Variants in MGAM observed in about 807,000 individuals in gnomAD.
MGAM encodes the protein maltase-glucoamylase, also known as alpha-1,4-glucosidase.
A neutral mutation model predicts 358.8 loss-of-function variants in MGAM; 253 were observed. The ratio of observed to expected loss-of-function variants is 0.71; its 90% CI spans 0.64 to 0.78. The LOEUF is 0.78. Ranked by LOEUF, MGAM falls within the 30% of genes least tolerant of loss-of-function variation. The probability of loss-of-function intolerance (pLI) is 0.00; values close to 1 mark genes in which losing one functional copy is unlikely to be tolerated. For synonymous variants in MGAM, 1,105 were observed against 1,227.1 expected (o/e 0.90, Z 2.08); for missense variants, 3,080 against 3,432.6 (o/e 0.90, Z 2.57).
chr7:142,071,831 C>T (rs772919897), intron 44 of MGAM, among the ~76,000 whole-genome samples: 2 of 146,228 alleles, frequency 1.4e-5, no homozygotes, highest in African/African-American at 4.9e-5. Flanking sequence ...TTGCTTTATA[C>T]GTAATTGATT....
At chr7:142,014,709 A>C (rs1743191487) in intron 3 of MGAM, among the ~76,000 whole-genome samples, 2 of 152,118 alleles carry the variant, frequency 1.3e-5, no homozygotes, top group African/African-American at 4.8e-5. Context: ...AATAATAGAT[A>C]TATACAGCCT....
At chr7:142,058,659 A>G (rs887834812) in intron 31 of MGAM, among the ~76,000 whole-genome samples, 2 of 152,232 alleles carry the variant, frequency 1.3e-5, no homozygotes, top group Non-Finnish European at 2.9e-5. Flanking sequence ...AGAATAAAGT[A>G]TATCCCACAG....
At chr7:142,091,050 C>T (rs1419815889) in intron 57 of MGAM, among the ~76,000 whole-genome samples, 1 of 144,848 alleles carries the variant, frequency 6.9e-6, no homozygotes, top group Admixed American at 7.0e-5. Context: ...AATTTGAGAC[C>T]AGCCTGAACA....
Position 142,030,598 on chromosome 7 carries a change from C to T in MGAM, c.1354-43C>T, listed in dbSNP as rs782115626. 2.3e-5 allele frequency: 37 copies of T among 1,601,330 alleles called. No homozygotes were observed. In the Middle Eastern group the frequency reaches 4.9e-4, roughly 21 times the overall value. Reference sequence around the variant, plus strand: ...GTTCCCAGTCTCCTTTCAGTGCCTCCGGTTTCCAGCTAGTTTGTTCATTGT... The same window carrying T: ...GTTCCCAGTCTCCTTTCAGTGCCTCTGGTTTCCAGCTAGTTTGTTCATTGT... On this transcript the variant is annotated intron_variant, in intron 11 of 70. Transcript: ENST00000475668.
Position 142,076,750 on chromosome 7 carries a change from C to T in MGAM, c.5417C>T (p.Pro1806Leu). The T allele has an allele frequency of 3.2e-6, 5 of 1,554,274 alleles. 1 individual carries two copies. Among genetic ancestry groups the T allele is most frequent in the Non-Finnish European group, 4.4e-6 (5 of 1,130,720 alleles). The change falls in exon 47 of 71, where the codon CCT becomes CTT. Residue 1806 changes from proline (P) to leucine (L), a missense_variant. Pro to Leu is a moderately conservative substitution (Grantham distance 98). Transcript: ENST00000475668. ...ATTAAAATTCTTGGGATGGAGGAAC[C>T]TAGCAATGTTACGGTGAAACACAAT... ...NEIKILGMEEPSNVTVKHNGV... is the reference protein window; with the variant it reads ...NEIKILGMEELSNVTVKHNGV...
chr7:142,033,503 G>GA (rs1323557380), intron 14 of MGAM, among the ~76,000 whole-genome samples: 1 of 152,102 alleles, frequency 6.6e-6, no homozygotes, highest in Non-Finnish European at 1.5e-5. Context: ...ATTGAGAAAG[G>GA]AAAAAACTGC....
chr7:142,031,706 T>G lies in MGAM; in HGVS notation c.1497T>G (p.Pro499=). ...GEVWPGQTVF[P]DYTNPNCAVW... The stretch of plus-strand genomic sequence containing the variant: ...TCTGGCCTGGACAAACTGTGTTTCC[T>G]GATTATACCAATCCCAACTGTGCTG... The change falls in exon 13 of 71, where the codon CCT becomes CCG. Residue 499 remains proline (P), a synonymous_variant. Coordinates refer to ENST00000475668, the MANE Select transcript of MGAM (RefSeq NM_001365693.1). 1 of 1,613,136 alleles carries G rather than the reference T, an allele frequency of 6.2e-7. No individual in the cohort carries two copies. Among genetic ancestry groups the G allele is most frequent in the Non-Finnish European group, 8.5e-7 (1 of 1,179,220 alleles).
intron 50 of MGAM, among the ~76,000 whole-genome samples, chr7:142,081,725 A>T (rs964873599): frequency 6.9e-5 from 10 of 145,438 alleles, no homozygotes; most frequent in African/African-American, 2.2e-4. Flanking sequence ...TACGTAGAAA[A>T]TGCGCTGAGG....
chr7:142,084,449 T>C, intron 53 of MGAM, 70 bp from the exon 54 acceptor site: 1 of 1,465,868 alleles, frequency 6.8e-7, no homozygotes, highest in South Asian at 1.2e-5. Flanking sequence ...AAAATATTCT[T>C]ATTACTTGAT....
At chr7:142,100,416 A>T (rs1401929898) in intron 67 of MGAM, among the ~76,000 whole-genome samples, 1 of 152,192 alleles carries the variant, frequency 6.6e-6, no homozygotes, top group Non-Finnish European at 1.5e-5. Flanking sequence ...GATTCTAAAG[A>T]TTTAAATAAA....
rs1308445812 is a variant in MGAM at position 142,065,948 on chromosome 7, T to TTTTTG, written c.4770+137_4770+141dup. 3.0e-5 allele frequency: 25 copies of TTTTTG among 839,710 alleles called. 1 individual carries two copies. The highest frequency in any genetic ancestry group is 5.8e-5 in the South Asian group (3 of 51,756). The allele number at this position is 839,710 out of a possible 1,614,324, so 52.0% of individuals were successfully genotyped here. Reference sequence around the variant, plus strand: ...GGATATCTTTAAAAAAAGGTGTTTTTTTTTGTTTTGTTTTGTTTTGTTTTT... The same window carrying TTTTTG: ...GGATATCTTTAAAAAAAGGTGTTTTTTTTTGTTTTGTTTTGTTTTGTTTTGTTTTT... On this transcript the variant is annotated intron_variant, in intron 40 of 70. Coordinates refer to ENST00000475668, the MANE Select transcript of MGAM (RefSeq NM_001365693.1).
At chr7:142,072,467 ATATT>A (rs1176749207) in intron 44 of MGAM, among the ~76,000 whole-genome samples, 1 of 146,278 alleles carries the variant, frequency 6.8e-6, no homozygotes, top group Non-Finnish European at 1.5e-5. Context: ...TTTGTAATAT[ATATT>A]TATTTGCTCC....
intron 21 of MGAM, among the ~76,000 whole-genome samples, chr7:142,041,449 T>A (rs2129012178): frequency 6.6e-6 from 1 of 152,202 alleles, no homozygotes; most frequent in East Asian, 1.9e-4. Context: ...CTGAATCCAA[T>A]GCCAGTTGGC....
intron 26 of MGAM, among the ~76,000 whole-genome samples, chr7:142,053,954 A>G (rs533359395): frequency 1.3e-5 from 2 of 152,320 alleles, no homozygotes; most frequent in African/African-American, 4.8e-5. Context: ...ACCGTAGAGT[A>G]ACTCTTTCCA....
intron 21 of MGAM, among the ~76,000 whole-genome samples, chr7:142,042,111 A>G (rs1416122409): frequency 1.3e-5 from 1 of 75,192 alleles, no homozygotes; most frequent in Non-Finnish European, 2.3e-5. Flanking sequence ...CATATAATAT[A>G]TAATATATAA....
At position 142,092,547 on chromosome 7, in the gene MGAM, G is replaced by A; in HGVS notation, c.6972G>A (p.Val2324=). The A allele has an allele frequency of 1.9e-6, 3 of 1,549,534 alleles. 1 individual carries two copies. Among genetic ancestry groups the A allele is most frequent in the South Asian group, 2.3e-5 (2 of 87,860 alleles). The change falls in exon 59 of 71, where the codon GTG becomes GTA. Residue 2324 remains valine, a synonymous_variant. Coordinates refer to ENST00000475668, the MANE Select transcript of MGAM (RefSeq NM_001365693.1). Reference sequence around the variant, plus strand: ...ATATGAATGAACCATCAAGCTTCGTGAATGGGGCAGTTTCTCCAGGCTGCA... The same window carrying A: ...ATATGAATGAACCATCAAGCTTCGTAAATGGGGCAGTTTCTCCAGGCTGCA... The part of the protein sequence containing the change: ...WIDMNEPSSF[V]NGAVSPGCRD...
At chr7:142,045,595 A>G (rs1201088180) in intron 21 of MGAM, among the ~76,000 whole-genome samples, 1 of 109,838 alleles carries the variant, frequency 9.1e-6, no homozygotes, top group East Asian at 2.5e-4. Context: ...CATACAATAT[A>G]TGAATATATA....
chr7:142,029,814 T>C (rs1401076268), intron 10 of MGAM, among the ~76,000 whole-genome samples: 3 of 152,212 alleles, frequency 2.0e-5, no homozygotes, highest in Non-Finnish European at 4.4e-5. Flanking sequence ...TCTCCCCCAC[T>C]CTATTCCATT....
In MGAM at chr7:142,067,533, A is replaced by T; in HGVS notation, c.5004+108A>T. 3.1e-6 allele frequency: 3 copies of T among 956,978 alleles called. 1 individual carries two copies. Among genetic ancestry groups the T allele is most frequent in the Admixed American group, 4.2e-5 (2 of 47,112 alleles). 59.3% of individuals were successfully genotyped at this position (956,978 alleles called of 1,614,324 possible). Reference sequence around the variant, plus strand: ...TGGGGGTCCTGAGACATGGTTTCTTATTCTACCTGTGTCTCTTCCTCTCTT... The same window carrying T: ...TGGGGGTCCTGAGACATGGTTTCTTTTTCTACCTGTGTCTCTTCCTCTCTT... On this transcript the variant is annotated intron_variant, in intron 42 of 70. Coordinates refer to ENST00000475668, the MANE Select transcript of MGAM (RefSeq NM_001365693.1).
Sources: gnomAD v4.1 joint callset for allele counts (sites outside exome capture counted in the v4.1 genomes callset) on GRCh38, gnomAD v4.1.1 for gene constraint, MANE v1.5 for transcripts, NCBI Gene and HGNC (gene_info 2026-07-23, HGNC 2026-07-21) for gene names.